SHROOM2: variants seen among roughly 807,000 people sequenced by gnomAD.
SHROOM2 encodes the protein protein Shroom2.
SHROOM2 carries 33 observed loss-of-function variants against 75.9 expected under a neutral mutation model. That is an observed-to-expected ratio of 0.43 (90% confidence interval 0.33 to 0.58). The LOEUF (loss-of-function observed/expected upper bound fraction) is 0.58, where lower values mean the gene tolerates loss of function less well. Among genes scored for constraint, SHROOM2 ranks in the 20% least tolerant of loss-of-function variants. The pLI is 0.04. For synonymous variants in SHROOM2, 655 were observed against 663.6 expected (o/e 0.99, Z 0.20); for missense variants, 1,434 against 1,461.2 (o/e 0.98, Z 0.30).
chrX:9,786,905 A>C (rs2083617061), intron 1 of SHROOM2, among the ~76,000 whole-genome samples, 195 bp downstream of exon 1: 1 of 111,393 alleles, frequency 9.0e-6, no homozygotes, highest in African/African-American at 3.2e-5. Flanking sequence ...CGCGCCTCGC[A>C]GAGTTTAAAT....
chrX:9,822,152 G>T (rs190225338), intron 1 of SHROOM2, among the ~76,000 whole-genome samples: 1 of 112,080 alleles, frequency 8.9e-6, no homozygotes, highest in East Asian at 2.8e-4. Flanking sequence ...GAGCAGACAG[G>T]CCTGGGAAAG....
chrX:9,826,366 A>G (rs1170744441), intron 1 of SHROOM2, among the ~76,000 whole-genome samples: 1 of 112,101 alleles, frequency 8.9e-6, no homozygotes, highest in Non-Finnish European at 1.9e-5. Context: ...GAACATCTAA[A>G]TTGTATTCTA....
chrX:9,850,900 G>A (rs191472380), intron 1 of SHROOM2, among the ~76,000 whole-genome samples: 175 of 110,834 alleles, frequency 1.6e-3, no homozygotes, highest in Non-Finnish European at 2.8e-3. Context: ...CTTAATGGGA[G>A]GGCCCCTGCC....
chrX:9,850,883 G>A (rs113048039), intron 1 of SHROOM2, among the ~76,000 whole-genome samples: 9 of 109,017 alleles, frequency 8.3e-5, no homozygotes, highest in African/African-American at 3.0e-4. Context: ...CCCTGGTATT[G>A]ATAAGTCTTA....
At chrX:9,866,084 A>ATTT (rs773543500) in intron 1 of SHROOM2, among the ~76,000 whole-genome samples, 7 of 78,728 alleles carry the variant, frequency 8.9e-5, no homozygotes, top group African/African-American at 3.6e-4. Flanking sequence ...GGGGCCAGGA[A>ATTT]TTTTTTTTTT....
At chrX:9,832,791 CCCCTGCTTGCTGGTCTACCAGGTGTT>C (rs1459414671) in intron 1 of SHROOM2, among the ~76,000 whole-genome samples, 2 of 111,618 alleles carry the variant, frequency 1.8e-5, no homozygotes, top group Non-Finnish European at 3.8e-5. Flanking sequence ...TCTCTGATGG[CCCCTGCTTGCTGGTCTACCAGGTGTT>C]CCTCTGGCCA....
intron 1 of SHROOM2, among the ~76,000 whole-genome samples, chrX:9,863,454 C>T (rs1477811365): frequency 4.5e-5 from 5 of 111,141 alleles, no homozygotes; most frequent in African/African-American, 1.6e-4. Flanking sequence ...CCTCGCGCCT[C>T]TCCTTGCCAT....
At position 9,823,161 on chromosome X, in the gene SHROOM2, T is replaced by C. The variant is rs1569142256; in HGVS notation, c.165+36451T>C. On this transcript the variant is annotated intron_variant, in intron 1 of 9. Transcript: ENST00000380913. ...TCTCCTTCTCCTTCTTCCTTCTTCT[T>C]CTTTTCTTCTTCTTCTTCTTCTCCT... Among the ~76,000 whole-genome samples the C allele has an allele frequency of 1.1e-3, 54 of 48,574 alleles. 1 individual carries two copies. Among genetic ancestry groups the C allele is most frequent in the African/African-American group, 3.5e-3 (52 of 14,919 alleles). The allele number at this position is 48,574 out of a possible 115,157, so 42.2% of individuals were successfully genotyped here. A position where few individuals can be genotyped will look rare whatever the true frequency, so the allele number is the denominator to read the frequency against.
chrX:9,941,077 G>A (rs1273416893), intron 8 of SHROOM2, among the ~76,000 whole-genome samples: 1 of 112,479 alleles, frequency 8.9e-6, no homozygotes, highest in African/African-American at 3.2e-5. Flanking sequence ...AGGGCACCAT[G>A]TTGAGTTGAA....
intron 5 of SHROOM2, among the ~76,000 whole-genome samples, chrX:9,926,818 G>A (rs1213285612): frequency 2.7e-5 from 3 of 110,162 alleles, no homozygotes; most frequent in African/African-American, 9.9e-5. Flanking sequence ...ATGAGTGTCA[G>A]GTTTAGACTT....
At chrX:9,894,242 A>G (rs12014321) in intron 3 of SHROOM2, 116 bp from the exon 4 acceptor site, 107,924 of 674,517 alleles carry the variant, frequency 0.16, 7,658 homozygotes, top group East Asian at 0.43. Flanking sequence ...ACCGTGGGAA[A>G]TTACTGTTTG....
At chrX:9,909,622 C>T (rs2084410789) in intron 5 of SHROOM2, among the ~76,000 whole-genome samples, 1 of 112,194 alleles carries the variant, frequency 8.9e-6, no homozygotes. Context: ...AGTGGCACTT[C>T]ACTTCCATGG....
intron 2 of SHROOM2, among the ~76,000 whole-genome samples, chrX:9,888,882 A>G (rs1324446242): frequency 2.7e-5 from 3 of 112,579 alleles, no homozygotes; most frequent in Middle Eastern, 9.1e-3. Context: ...TAGCCCAGTT[A>G]TTCCCGAAGC....
At chrX:9,892,241 A>T (rs72612815) in intron 3 of SHROOM2, among the ~76,000 whole-genome samples, 13,213 of 102,272 alleles carry the variant, frequency 0.13, 877 homozygotes, top group East Asian at 0.34. Flanking sequence ...CAACAGAGCA[A>T]GACCTCGTCT....
At chrX:9,821,367 C>T (rs983415291) in intron 1 of SHROOM2, among the ~76,000 whole-genome samples, 6 of 111,456 alleles carry the variant, frequency 5.4e-5, no homozygotes, top group South Asian at 3.7e-4. Flanking sequence ...CAGTAGAGGA[C>T]GTGGGGGAGG....
chrX:9,795,564 G>A (rs2083690845), intron 1 of SHROOM2, among the ~76,000 whole-genome samples: 1 of 111,317 alleles, frequency 9.0e-6, no homozygotes, highest in South Asian at 3.7e-4. Context: ...TGTTTTGGCT[G>A]CTTTCTTCCC....
At chrX:9,799,278 G>A (rs1171525242) in intron 1 of SHROOM2, among the ~76,000 whole-genome samples, 20 of 95,495 alleles carry the variant, frequency 2.1e-4, no homozygotes, top group Non-Finnish European at 5.9e-5. Context: ...AGCAATTTTC[G>A]TGTCTTAACC....
Position 9,932,268 on chromosome X carries a change from A to C in SHROOM2, c.2985A>C (p.Leu995=), listed in dbSNP as rs751674786. 4.2e-6 allele frequency: 5 copies of C among 1,196,399 alleles called. No homozygotes were observed. In the South Asian group the frequency reaches 7.2e-5, roughly 17 times the overall value. ...CGAACCCACCCACATTCTCTGAACTATCTCACTGCCGGGGAGCCCCAGAGC... is the reference window on the plus strand; with the variant it reads ...CGAACCCACCCACATTCTCTGAACTCTCTCACTGCCGGGGAGCCCCAGAGC... The part of the protein sequence containing the change: ...KAPNPPTFSE[L]SHCRGAPELP... Residue 995 remains leucine, a synonymous_variant, in exon 6 of 10, where the codon CTA becomes CTC. Coordinates refer to ENST00000380913, the MANE Select transcript of SHROOM2 (RefSeq NM_001649.4).
intron 1 of SHROOM2, among the ~76,000 whole-genome samples, chrX:9,870,483 T>C (rs2084165453): frequency 8.9e-6 from 1 of 112,293 alleles, no homozygotes; most frequent in Non-Finnish European, 1.9e-5. Context: ...GGAATTAAAA[T>C]TGGGAAAAAT....
Sources: gnomAD v4.1 joint callset for allele counts (sites outside exome capture counted in the v4.1 genomes callset) on GRCh38, gnomAD v4.1.1 for gene constraint, MANE v1.5 for transcripts, NCBI Gene and HGNC (gene_info 2026-07-23, HGNC 2026-07-21) for gene names.